Variants in DNAJC18 observed in about 807,000 individuals in gnomAD.
DNAJC18 encodes dnaJ homolog subfamily C member 18.
Under a neutral mutation model 48.6 loss-of-function variants are expected in DNAJC18, and 40 were observed. The ratio of observed to expected loss-of-function variants is 0.82; its 90% confidence interval spans 0.64 to 1.07. DNAJC18 has a LOEUF of 1.07. Ranked by LOEUF, DNAJC18 falls within the 50% of genes least tolerant of loss-of-function variation. The pLI is 0.00. For missense variants in DNAJC18, 340 were observed against 427.7 expected, an observed-to-expected ratio of 0.79 and a Z score of 1.81; for synonymous variants, 135 against 152.2, an observed-to-expected ratio of 0.89 and a Z score of 0.83.
intron 2 of DNAJC18, among the ~76,000 whole-genome samples, chr5:139,431,011 C>T (rs1414899855): frequency 6.6e-6 from 1 of 152,096 alleles, no homozygotes; most frequent in Non-Finnish European, 1.5e-5. Flanking sequence ...TTCGGAGCTT[C>T]GTTGGGAAAT....
rs1438818286 is a variant in DNAJC18, at chr5:139,435,730, T to TTTTTTTTTTTTTTC, written c.227+1641_227+1642insGAAAAAAAAAAAAA. On this transcript the variant is annotated intron_variant, in intron 2 of 7. Coordinates refer to ENST00000302060, the MANE Select transcript of DNAJC18 (RefSeq NM_152686.4). The stretch of plus-strand genomic sequence containing the variant: ...GTTTTTTTTTTTTTTTTTTTTTTTT[T>TTTTTTTTTTTTTTC]TTCAGACAAGGTCTCCCTCTGTCAC... 4.5e-5 allele frequency among the ~76,000 whole-genome samples: 6 copies of TTTTTTTTTTTTTTC among 131,914 alleles called. No individual in the cohort carries two copies. The East Asian group carries it at 1.0e-3, about 23-fold the overall frequency. 86.5% of individuals were successfully genotyped at this position (131,914 alleles called of 152,430 possible).
chr5:139,432,883 C>T (rs1759352340), intron 2 of DNAJC18, among the ~76,000 whole-genome samples: 1 of 152,170 alleles, frequency 6.6e-6, no homozygotes, highest in Non-Finnish European at 1.5e-5. Flanking sequence ...TTAGCCTATC[C>T]CTTCCTGCCT....
At chr5:139,431,139 C>G (rs1283318953) in intron 2 of DNAJC18, among the ~76,000 whole-genome samples, 1 of 152,170 alleles carries the variant, frequency 6.6e-6, no homozygotes, top group African/African-American at 2.4e-5. Flanking sequence ...TTTCCAATCT[C>G]TGCTTCCATG....
Position 139,426,165 on chromosome 5 carries a change from G to C in DNAJC18, c.559+7C>G. 3 of 1,612,710 alleles carry C rather than the reference G, an allele frequency of 1.9e-6. No individual in the cohort carries two copies. Among genetic ancestry groups the C allele is most frequent in the Non-Finnish European group, 2.5e-6 (3 of 1,179,550 alleles). ...ATGTTTAAGAATGATAATTTGGGGA[G>C]ACTAACCTGTAGGAAAATGTCCTCC... is the stretch of plus-strand genomic sequence containing the variant. On this transcript the variant is annotated splice_region_variant and intron_variant, in intron 4 of 7. Transcript: ENST00000302060.
In DNAJC18 at chr5:139,428,600, T is replaced by G. The variant is rs775674949; in HGVS notation, c.311A>C (p.Lys104Thr). 3.4e-5 allele frequency: 55 copies of G among 1,614,046 alleles called. No homozygotes were observed. The highest frequency in any genetic ancestry group is 4.5e-5 in the Non-Finnish European group (53 of 1,179,990). The change falls in exon 3 of 8, where the codon AAA becomes ACA. Residue 104 changes from lysine to threonine, a missense_variant. Lys to Thr is a moderately conservative substitution (Grantham distance 78, BLOSUM62 -1). Coordinates refer to ENST00000302060, the MANE Select transcript of DNAJC18 (RefSeq NM_152686.4). ...SDEELKKAYR[K>T]LALKFHPDKN... ...GTCAGGGTGAAATTTCAGGGCGAGTTTTCTGTAAGCTTTCTTAAGCTCTTC... is the reference window on the plus strand; with the variant it reads ...GTCAGGGTGAAATTTCAGGGCGAGTGTTCTGTAAGCTTTCTTAAGCTCTTC...
intron 3 of DNAJC18, among the ~76,000 whole-genome samples, chr5:139,427,007 T>G (rs1184910261): frequency 6.6e-6 from 1 of 152,202 alleles, no homozygotes; most frequent in Non-Finnish European, 1.5e-5. Flanking sequence ...GTGTGAGCCC[T>G]GCATCTGGCC....
Position 139,439,211 on chromosome 5 carries a change from C to T in DNAJC18, c.40+195G>A, listed in dbSNP as rs949072073. 6.6e-6 allele frequency among the ~76,000 whole-genome samples: 1 copy of T among 151,986 alleles called. No individual in the cohort carries two copies. On this transcript the variant is annotated intron_variant, in intron 1 of 7. Transcript: ENST00000302060. The surrounding 1 kb of genome is among the most constrained non-coding windows in gnomAD (Gnocchi z 4.1). ...GGGGGCCGGAGGCAACAAGTCGTCACCGGTGACTCTGGGCTCGCGGTCGGT... is the reference window on the plus strand; with the variant it reads ...GGGGGCCGGAGGCAACAAGTCGTCATCGGTGACTCTGGGCTCGCGGTCGGT...
At chr5:139,414,596 A>G (rs752564846) in intron 7 of DNAJC18, among the ~76,000 whole-genome samples, 8 of 152,266 alleles carry the variant, frequency 5.3e-5, no homozygotes, top group Non-Finnish European at 1.0e-4. Context: ...AGCCTCCTAC[A>G]AACGGGATTC....
At chr5:139,423,954 C>T (rs193171611) in intron 5 of DNAJC18, among the ~76,000 whole-genome samples, 14 of 152,260 alleles carry the variant, frequency 9.2e-5, no homozygotes, top group Non-Finnish European at 1.6e-4. Flanking sequence ...GGTAAACCTG[C>T]CCAGACTGTG....
At chr5:139,420,446 G>T in intron 6 of DNAJC18, 1 of 498,458 alleles carries the variant, frequency 2.0e-6, no homozygotes, top group Non-Finnish European at 3.4e-6. Context: ...TTCAGCTTCA[G>T]CATAGTTTAT....
At chr5:139,416,075 T>G (rs1759065422) in intron 7 of DNAJC18, among the ~76,000 whole-genome samples, 1 of 152,194 alleles carries the variant, frequency 6.6e-6, no homozygotes, top group Non-Finnish European at 1.5e-5. Flanking sequence ...GGTCAGTGTT[T>G]CAAGGAATCA....
At chr5:139,428,124 C>T (rs1358113426) in intron 3 of DNAJC18, among the ~76,000 whole-genome samples, 1 of 152,190 alleles carries the variant, frequency 6.6e-6, no homozygotes, top group Non-Finnish European at 1.5e-5. Flanking sequence ...AGGATGGGCA[C>T]AGTGGCTCAC....
intron 5 of DNAJC18, 33 bp downstream of exon 5, chr5:139,424,972 T>A: frequency 6.3e-7 from 1 of 1,584,698 alleles, no homozygotes. Flanking sequence ...TACAACTGTT[T>A]ATGGGCAGCA....
At chr5:139,428,893 A>G (rs1445851861) in intron 2 of DNAJC18, among the ~76,000 whole-genome samples, 1 of 152,032 alleles carries the variant, frequency 6.6e-6, no homozygotes, top group Non-Finnish European at 1.5e-5. Flanking sequence ...TACATCTACT[A>G]TTTACTCTTC....
chr5:139,422,250 C>A (rs527394181), intron 6 of DNAJC18, among the ~76,000 whole-genome samples: 1 of 152,040 alleles, frequency 6.6e-6, no homozygotes, highest in Non-Finnish European at 1.5e-5. Context: ...ATAATCTATA[C>A]GCAAAAAGCA....
At chr5:139,421,591 A>T (rs1759153549) in intron 6 of DNAJC18, among the ~76,000 whole-genome samples, 1 of 152,136 alleles carries the variant, frequency 6.6e-6, no homozygotes, top group Non-Finnish European at 1.5e-5. Flanking sequence ...AGATCACCTG[A>T]GGTTAGGAGT....
At position 139,412,822 on chromosome 5, in the gene DNAJC18, T is replaced by C. The variant is rs1215154200; in HGVS notation, c.*1326A>G. 2.8e-5 allele frequency: 11 copies of C among 398,550 alleles called. No individual in the cohort carries two copies. The highest frequency in any genetic ancestry group is 4.4e-6 in the Non-Finnish European group (1 of 226,096). 24.7% of individuals were successfully genotyped at this position (398,550 alleles called of 1,614,324 possible). The stretch of plus-strand genomic sequence containing the variant: ...TGCTTCCTAAAGAGCAGCAGGGATG[T>C]TGTCCTGAACAGATGCAAGATTGCC... On this transcript the variant is annotated 3_prime_UTR_variant, in exon 8 of 8. Coordinates refer to ENST00000302060, the MANE Select transcript of DNAJC18 (RefSeq NM_152686.4).
At chr5:139,424,018 G>T (rs760378917) in intron 5 of DNAJC18, among the ~76,000 whole-genome samples, 2 of 152,208 alleles carry the variant, frequency 1.3e-5, no homozygotes, top group Non-Finnish European at 2.9e-5. Context: ...CTTGGCCACA[G>T]CTGATTGGAC....
At chr5:139,437,331 C>T (rs1349528279) in intron 2 of DNAJC18, 41 bp downstream of exon 2, 2 of 1,555,622 alleles carry the variant, frequency 1.3e-6, no homozygotes, top group Non-Finnish European at 1.7e-6. Context: ...CTTCTAAGCA[C>T]TTTCCATAAA....
Sources: allele counts gnomAD v4.1 joint callset (sites outside exome capture counted in the v4.1 genomes callset), GRCh38; gene constraint gnomAD v4.1.1; non-coding constraint Gnocchi (gnomAD v3.1); transcripts MANE v1.5; gene names NCBI Gene and HGNC (gene_info 2026-07-23, HGNC 2026-07-21).